The following OGDH variants were observed in gnomAD, a reference collection of about 807,000 sequenced individuals.
The protein encoded by OGDH is 2-oxoglutarate dehydrogenase complex component E1.
Under a neutral mutation model 116.6 loss-of-function variants are expected in OGDH, and 38 were observed. The observed-to-expected ratio is 0.33, with a 90% CI of 0.25 to 0.43. OGDH has a LOEUF of 0.43. Among genes scored for constraint, OGDH ranks in the 20% least tolerant of loss-of-function variants. OGDH has a pLI of 1.00. For synonymous variants in OGDH, 488 were observed against 533.3 expected, an observed-to-expected ratio of 0.92 and a Z score of 1.17; for missense variants, 825 against 1,357.2, an observed-to-expected ratio of 0.61 and a Z score of 6.16.
intron 1 of OGDH, among the ~76,000 whole-genome samples, chr7:44,619,577 G>A (rs780231835): frequency 6.6e-6 from 1 of 152,158 alleles, no homozygotes; most frequent in Non-Finnish European, 1.5e-5. Context: ...CACTTCCTTA[G>A]TTTCATTGCA....
intron 20 of OGDH, among the ~76,000 whole-genome samples, chr7:44,705,411 T>C (rs1194041134): frequency 6.6e-6 from 1 of 152,234 alleles, no homozygotes; most frequent in Admixed American, 6.5e-5. Context: ...CCTGTGACTT[T>C]GGTGTCATAT....
At chr7:44,687,719 C>T (rs965281748) in intron 10 of OGDH, among the ~76,000 whole-genome samples, 54 of 152,208 alleles carry the variant, frequency 3.5e-4, no homozygotes, top group African/African-American at 1.1e-3. Flanking sequence ...TCACCACACC[C>T]GCCTGCTCAA....
intron 9 of OGDH, among the ~76,000 whole-genome samples, chr7:44,680,891 G>C (rs949950023): frequency 6.6e-6 from 1 of 152,186 alleles, no homozygotes; most frequent in East Asian, 1.9e-4. Flanking sequence ...TATCAACCTG[G>C]AACAGTGTGA....
intron 18 of OGDH, 151 bp downstream of exon 18, chr7:44,698,414 G>A: frequency 1.3e-6 from 1 of 770,730 alleles, no homozygotes; most frequent in Non-Finnish European, 2.1e-6. Flanking sequence ...GGACAGGTGT[G>A]GCCCCATGCT....
rs770683462 is a variant in OGDH at position 44,707,308 on chromosome 7, G to A, written c.2716G>A (p.Gly906Ser). 10 of 1,614,228 alleles carry A rather than the reference G, an allele frequency of 6.2e-6. No individual in the cohort carries two copies. The highest frequency in any genetic ancestry group is 1.1e-5 in the South Asian group (1 of 91,086). Residue 906 changes from glycine (G) to serine (S), a missense_variant, in exon 21 of 23, where the codon GGC becomes AGC. Coordinates refer to ENST00000222673, the MANE Select transcript of OGDH (RefSeq NM_002541.4). The surrounding 1 kb of genome is among the most constrained non-coding windows in gnomAD (Gnocchi z 5.2). ...ENVKRLLFCT[G>S]KVYYDLTRER... Reference sequence around the variant, plus strand: ...TGTCAAAAGGCTTCTCTTCTGCACCGGCAAAGTGTATTATGACCTCACCCG... The same window carrying A: ...TGTCAAAAGGCTTCTCTTCTGCACCAGCAAAGTGTATTATGACCTCACCCG...
At chr7:44,625,622 A>G (rs1252210661) in intron 2 of OGDH, among the ~76,000 whole-genome samples, 1 of 152,170 alleles carries the variant, frequency 6.6e-6, no homozygotes, top group Non-Finnish European at 1.5e-5. Flanking sequence ...GGTTGAGAGA[A>G]TGAAAGGAGG....
intron 1 of OGDH, among the ~76,000 whole-genome samples, chr7:44,621,836 A>C (rs954649055): frequency 6.6e-6 from 1 of 151,272 alleles, no homozygotes; most frequent in African/African-American, 2.4e-5. Context: ...ACACCACTGC[A>C]CTCCAGCCTG....
chr7:44,648,356 T>C (rs1049869560), intron 4 of OGDH, among the ~76,000 whole-genome samples: 1 of 152,198 alleles, frequency 6.6e-6, no homozygotes, highest in African/African-American at 2.4e-5. Context: ...ACTGGGGTTT[T>C]GTCACGGTTG....
intron 9 of OGDH, among the ~76,000 whole-genome samples, chr7:44,678,300 C>T (rs144137985): frequency 1.5e-4 from 23 of 152,254 alleles, no homozygotes; most frequent in African/African-American, 5.1e-4. Context: ...CTAGGACACT[C>T]GCCCAGGCAT....
At chr7:44,640,049 AG>A (rs1282944461) in intron 2 of OGDH, among the ~76,000 whole-genome samples, 2 of 152,242 alleles carry the variant, frequency 1.3e-5, no homozygotes, top group Non-Finnish European at 2.9e-5. Context: ...CCCTGTCTCC[AG>A]GGCCTAGGCT....
chr7:44,607,868 A>G (rs1784414444), intron 1 of OGDH, among the ~76,000 whole-genome samples: 1 of 151,900 alleles, frequency 6.6e-6, no homozygotes, highest in African/African-American at 2.4e-5. Context: ...CGCCCGGCTA[A>G]TTTTTGTATT....
chr7:44,669,951 TGTG>T (rs1405689099), intron 5 of OGDH, among the ~76,000 whole-genome samples: 4 of 152,340 alleles, frequency 2.6e-5, no homozygotes, highest in Middle Eastern at 3.4e-3. Context: ...GATCACGTGA[TGTG>T]GTGGTCAATT....
Position 44,708,100 on chromosome 7 carries a change from C to T in OGDH, c.*101C>T, listed in dbSNP as rs1057984. On this transcript the variant is annotated 3_prime_UTR_variant, in exon 23 of 23. Transcript: ENST00000222673. Reference sequence around the variant, plus strand: ...TGCCTCAGCGCTGCCCACACCACCGCCCTCCTCGCTGTGCCACCACCCCTC... The same window carrying T: ...TGCCTCAGCGCTGCCCACACCACCGTCCTCCTCGCTGTGCCACCACCCCTC... 2.7e-6 allele frequency: 4 copies of T among 1,461,976 alleles called. No individual in the cohort carries two copies. Among genetic ancestry groups the T allele is most frequent in the Non-Finnish European group, 3.7e-6 (4 of 1,088,480 alleles). The allele number at this position is 1,461,976 out of a possible 1,614,324, so 90.6% of individuals were successfully genotyped here. A position where few individuals can be genotyped will look rare whatever the true frequency, so the allele number is the denominator to read the frequency against.
intron 2 of OGDH, among the ~76,000 whole-genome samples, chr7:44,627,804 G>A (rs1302729055): frequency 6.6e-6 from 1 of 152,100 alleles, no homozygotes; most frequent in Non-Finnish European, 1.5e-5. Context: ...AGCCTCCCGA[G>A]TAGCCAGGAT....
At position 44,656,459 on chromosome 7, in the gene OGDH, C is replaced by T. The variant is rs752256909; in HGVS notation, c.517+8700C>T. The T allele has an allele frequency of 2.2e-4, 239 of 1,083,154 alleles. 1 individual carries two copies. Among genetic ancestry groups the T allele is most frequent in the Middle Eastern group, 4.0e-4 (2 of 5,026 alleles). 67.1% of individuals were successfully genotyped at this position (1,083,154 alleles called of 1,614,324 possible). ...TAGCATGCAATATGGGGAAAGTTGA[C>T]GCAACTTCTGTCACGTGTTTTTAAG... On this transcript the variant is annotated intron_variant, in intron 4 of 22. Coordinates refer to ENST00000222673, the MANE Select transcript of OGDH (RefSeq NM_002541.4).
intron 1 of OGDH, among the ~76,000 whole-genome samples, chr7:44,609,371 G>T (rs755640459): frequency 6.6e-6 from 1 of 150,388 alleles, no homozygotes; most frequent in African/African-American, 2.4e-5. Flanking sequence ...TTAGCCAGGC[G>T]CAGTGGTGTG....
intron 10 of OGDH, among the ~76,000 whole-genome samples, chr7:44,688,732 A>G (rs189421334): frequency 6.6e-6 from 1 of 151,830 alleles, no homozygotes; most frequent in Admixed American, 6.6e-5. Flanking sequence ...GCCAGGCCTT[A>G]TATATACATT....
chr7:44,674,135 C>T (rs181342462), intron 6 of OGDH, among the ~76,000 whole-genome samples, 194 bp downstream of exon 6: 332 of 152,310 alleles, frequency 2.2e-3, no homozygotes, highest in African/African-American at 7.2e-3. Context: ...ACCTCCGCCT[C>T]CTGAATTCAA....
At chr7:44,639,988 A>G (rs1014995337) in intron 2 of OGDH, among the ~76,000 whole-genome samples, 1 of 152,180 alleles carries the variant, frequency 6.6e-6, no homozygotes, top group African/African-American at 2.4e-5. Context: ...CTGGAGTTGT[A>G]TTCCAAGCAC....
Sources: allele counts gnomAD v4.1 joint callset (sites outside exome capture counted in the v4.1 genomes callset), GRCh38; gene constraint gnomAD v4.1.1; non-coding constraint Gnocchi (gnomAD v3.1); transcripts MANE v1.5; gene names NCBI Gene and HGNC (gene_info 2026-07-23, HGNC 2026-07-21).